PEPD: variants seen among roughly 807,000 people sequenced by gnomAD.
PEPD encodes peptidase D.
In PEPD, 53 loss-of-function variants were observed where a neutral mutation model predicts 60.7. The ratio of observed to expected loss-of-function variants is 0.87; its 90% CI spans 0.70 to 1.10. PEPD has a LOEUF of 1.10. Ranked by LOEUF, PEPD falls within the 50% of genes least tolerant of loss-of-function variation. The pLI is 0.00. For missense variants in PEPD, 711 were observed against 711.9 expected, an observed-to-expected ratio of 1.00 and a Z score of 0.01; for synonymous variants, 267 against 284.1, an observed-to-expected ratio of 0.94 and a Z score of 0.60.
intron 1 of PEPD, among the ~76,000 whole-genome samples, chr19:33,515,296 G>A (rs776305486): frequency 1.3e-5 from 2 of 152,258 alleles, no homozygotes; most frequent in East Asian, 1.9e-4. Flanking sequence ...AGAAGCAGCC[G>A]CACATGCTGA....
intron 7 of PEPD, 128 bp downstream of exon 7, chr19:33,477,918 T>A (rs146640389): frequency 5.4e-6 from 4 of 736,190 alleles, no homozygotes; most frequent in Non-Finnish European, 9.9e-6. Flanking sequence ...GAAAAGGCTA[T>A]GGGAGAAGGT....
At chr19:33,489,785 A>G (rs1970463330) in intron 6 of PEPD, among the ~76,000 whole-genome samples, 1 of 152,098 alleles carries the variant, frequency 6.6e-6, no homozygotes, top group Non-Finnish European at 1.5e-5. Context: ...CACTTTCCTT[A>G]TGGAGCAAAC....
chr19:33,412,597 C>T lies in PEPD; in HGVS notation c.741-848G>A, dbSNP rs907328594. On this transcript the variant is annotated intron_variant, in intron 10 of 14. Transcript: ENST00000244137. ...AGAAAAAAAGGACTTTTAAGTCTGT[C>T]CAAAGGGGGGAAGGAAACCCCCACC... 2.6e-5 allele frequency among the ~76,000 whole-genome samples: 4 copies of T among 152,220 alleles called. No homozygotes were observed. In the South Asian group the frequency reaches 6.2e-4, roughly 24 times the overall value.
At chr19:33,426,983 T>A (rs1489166658) in intron 9 of PEPD, among the ~76,000 whole-genome samples, 1 of 152,244 alleles carries the variant, frequency 6.6e-6, no homozygotes, top group African/African-American at 2.4e-5. Flanking sequence ...GGCTGTGTTT[T>A]ATGGCAGCGA....
intron 10 of PEPD, 138 bp from the exon 11 acceptor site, chr19:33,411,887 G>C: frequency 1.4e-6 from 1 of 704,670 alleles, no homozygotes; most frequent in South Asian, 1.5e-5. Context: ...GCTGGACCAG[G>C]TCCACAGCCA....
rs766743959 is a variant in PEPD, at chr19:33,462,982, C to CA, written c.671+12dup. ...TACCTTTTAATTTTACCCGGAGAAA[C>CA]ATGGTGGCTTACCTTTCCAACTCAT... On this transcript the variant is annotated intron_variant, in intron 9 of 14. Transcript: ENST00000244137. 69 of 1,560,916 alleles carry CA rather than the reference C, an allele frequency of 4.4e-5. No individual in the cohort carries two copies. The highest frequency in any genetic ancestry group is 5.8e-5 in the Non-Finnish European group (66 of 1,131,582).
intron 7 of PEPD, among the ~76,000 whole-genome samples, chr19:33,470,263 T>C (rs1173598901): frequency 6.6e-6 from 1 of 151,992 alleles, no homozygotes. Context: ...CAGCTGGGGA[T>C]CTTTAGGAAA....
At chr19:33,413,926 G>A (rs1006550956) in intron 9 of PEPD, among the ~76,000 whole-genome samples, 7 of 152,212 alleles carry the variant, frequency 4.6e-5, no homozygotes, top group African/African-American at 1.4e-4. Context: ...CTGCCATGGC[G>A]AGTGGCTTCC....
chr19:33,520,948 C>T (rs550471409), intron 1 of PEPD, among the ~76,000 whole-genome samples: 140 of 152,336 alleles, frequency 9.2e-4, no homozygotes, highest in South Asian at 3.1e-3. Context: ...CCACACCTTC[C>T]AACCAGCCCC....
At chr19:33,431,992 C>CAAAAAAAAAAAAAAAAAAAAAAAAAAAA (rs906879187) in intron 9 of PEPD, among the ~76,000 whole-genome samples, 21 of 77,858 alleles carry the variant, frequency 2.7e-4, no homozygotes, top group Non-Finnish European at 3.3e-4. Context: ...GACACCACCT[C>CAAAAAAAAAAAAAAAAAAAAAAAAAAAA]AAAAAAAAAA....
intron 1 of PEPD, among the ~76,000 whole-genome samples, chr19:33,514,451 G>T (rs998007384): frequency 1.3e-5 from 2 of 151,854 alleles, no homozygotes; most frequent in Non-Finnish European, 2.9e-5. Context: ...GACCTTTTCC[G>T]GATGGTCTTC....
intron 9 of PEPD, among the ~76,000 whole-genome samples, chr19:33,414,416 C>A (rs1432542987): frequency 2.0e-5 from 3 of 152,238 alleles, no homozygotes; most frequent in African/African-American, 7.2e-5. Context: ...GATCTTTGAG[C>A]TCCAAGGGAC....
chr19:33,435,610 C>T (rs950370864), intron 9 of PEPD, among the ~76,000 whole-genome samples: 1 of 152,240 alleles, frequency 6.6e-6, no homozygotes, highest in Non-Finnish European at 1.5e-5. Flanking sequence ...CCCTGCAGCA[C>T]GCCTCTCTGG....
chr19:33,388,583 CGT>C (rs1352133410), intron 13 of PEPD: 1 of 247,694 alleles, frequency 4.0e-6, no homozygotes, highest in East Asian at 8.9e-5. Context: ...CCAGATTTTC[CGT>C]GTGACTGTCC....
In PEPD at chr19:33,436,622, G is replaced by A. The variant is rs544269204; in HGVS notation, c.672-22979C>T. On this transcript the variant is annotated intron_variant, in intron 9 of 14. Coordinates refer to ENST00000244137, the MANE Select transcript of PEPD (RefSeq NM_000285.4). ...CTCTCACCACAAATTCCACCTTTAT[G>A]GGAAAATCAATGTTATTACCTCCTC... Among the ~76,000 whole-genome samples, 55 of 152,358 alleles carry A rather than the reference G, an allele frequency of 3.6e-4. 3 individuals are homozygous for A. The South Asian group carries it at 9.7e-3, about 27-fold the overall frequency.
chr19:33,519,291 C>G (rs1971086158), intron 1 of PEPD, among the ~76,000 whole-genome samples: 1 of 152,224 alleles, frequency 6.6e-6, no homozygotes, highest in Non-Finnish European at 1.5e-5. Flanking sequence ...AGAGTAGATT[C>G]TTGAGTTTCA....
chr19:33,517,016 A>C (rs1971034952), intron 1 of PEPD, among the ~76,000 whole-genome samples: 2 of 151,484 alleles, frequency 1.3e-5, no homozygotes, highest in Non-Finnish European at 2.9e-5. Context: ...CCCCATCTCT[A>C]CCGAAAACAC....
intron 11 of PEPD, among the ~76,000 whole-genome samples, chr19:33,404,547 G>A (rs965629353): frequency 6.6e-6 from 1 of 152,184 alleles, no homozygotes; most frequent in African/African-American, 2.4e-5. Context: ...CTGTTCTCCA[G>A]TGCAGACCAG....
At chr19:33,398,586 C>G (rs989552061) in intron 12 of PEPD, among the ~76,000 whole-genome samples, 36 of 152,264 alleles carry the variant, frequency 2.4e-4, no homozygotes, top group African/African-American at 8.7e-4. Context: ...GCTCACCTGC[C>G]AAATCCTCCT....
Sources: allele counts gnomAD v4.1 joint callset (sites outside exome capture counted in the v4.1 genomes callset), GRCh38; gene constraint gnomAD v4.1.1; transcripts MANE v1.5; gene names NCBI Gene and HGNC (gene_info 2026-07-23, HGNC 2026-07-21).